Variants in COL25A1 observed in about 807,000 individuals in gnomAD.
The protein encoded by COL25A1 is collagen type XXV alpha 1 chain.
COL25A1 carries 103 observed loss-of-function variants against 128.4 expected under a neutral mutation model. That is an observed-to-expected ratio of 0.80 (90% CI 0.68 to 0.94). COL25A1 has a LOEUF of 0.94. Among genes scored for constraint, COL25A1 ranks in the 40% least tolerant of loss-of-function variants. The probability of loss-of-function intolerance (pLI) is 0.00; values close to 1 mark genes in which losing one functional copy is unlikely to be tolerated. For synonymous variants in COL25A1, 279 were observed against 277.2 expected (o/e 1.01, Z -0.06); for missense variants, 745 against 840.0 (o/e 0.89, Z 1.40).
chr4:109,300,385 A>T (rs1042525148), intron 3 of COL25A1, among the ~76,000 whole-genome samples, 198 bp downstream of exon 3: 1 of 152,192 alleles, frequency 6.6e-6, no homozygotes, highest in African/African-American at 2.4e-5. Flanking sequence ...TTCCCATAAC[A>T]GGCCTTGGTA....
At chr4:109,008,389 A>C (rs1289019876) in intron 6 of COL25A1, among the ~76,000 whole-genome samples, 1 of 152,112 alleles carries the variant, frequency 6.6e-6, no homozygotes, top group African/African-American at 2.4e-5. Flanking sequence ...TGAGGCATCC[A>C]TTTTTTGGTT....
In COL25A1 at chr4:109,121,817, T is replaced by C. The variant is rs190315210; in HGVS notation, c.368-71638A>G. 1.5e-4 allele frequency among the ~76,000 whole-genome samples: 23 copies of C among 152,224 alleles called. No individual in the cohort carries two copies. In the East Asian group the frequency reaches 4.2e-3, roughly 28 times the overall value. The stretch of plus-strand genomic sequence containing the variant: ...AAAACTTATATCCACACAAAAATCT[T>C]CACTCAAATGTTTAAAACAGCATTA... On this transcript the variant is annotated intron_variant, in intron 3 of 37. Coordinates refer to ENST00000399132, the MANE Select transcript of COL25A1 (RefSeq NM_198721.4).
At position 108,941,430 on chromosome 4, in the gene COL25A1, A is replaced by G; in HGVS notation, c.500T>C (p.Phe167Ser). 11 of 1,613,836 alleles carry G rather than the reference A, an allele frequency of 6.8e-6. No homozygotes were observed. The highest frequency in any genetic ancestry group is 7.6e-6 in the Non-Finnish European group (9 of 1,179,700). ...GAGAAACCCATGATTGATTTTAGGA[A>G]ACACCATCTGATCAGTCAGTTGAGG... ...EQGDQGPRMV[F>S]PKINHGFLSA... The change falls in exon 9 of 38, where the codon TTT (phenylalanine) becomes TCT (serine). Residue 167 changes from phenylalanine to serine, a missense_variant. This residue lies in a region of COL25A1 where 319 missense variants were observed against 324.9 expected (regional missense o/e 0.98). Transcript: ENST00000399132.
Position 108,886,480 on chromosome 4 carries a change from G to T in COL25A1, c.976-2258C>A, listed in dbSNP as rs1247389966. On this transcript the variant is annotated intron_variant, in intron 18 of 37. Coordinates refer to ENST00000399132, the MANE Select transcript of COL25A1 (RefSeq NM_198721.4). ...TGTGTGTGTGTGTGTGTGTGTGTGT[G>T]TGTGTGTGTGTGTTTAGCTCATCAG... Among the ~76,000 whole-genome samples, 1,193 of 127,044 alleles carry T rather than the reference G, an allele frequency of 9.4e-3. 45 individuals carry two copies. The highest frequency in any genetic ancestry group is 0.072 in the East Asian group (253 of 3,506). 83.3% of individuals were successfully genotyped at this position (127,044 alleles called of 152,430 possible). A position where few individuals can be genotyped will look rare whatever the true frequency, so the allele number is the denominator to read the frequency against.
intron 5 of COL25A1, among the ~76,000 whole-genome samples, chr4:109,031,185 C>T (rs1404606162): frequency 3.3e-5 from 5 of 152,220 alleles, no homozygotes; most frequent in African/African-American, 1.2e-4. Context: ...GATCTCGGCT[C>T]ACTGCAAGCT....
At chr4:108,949,745 C>A (rs953798606) in intron 8 of COL25A1, among the ~76,000 whole-genome samples, 3 of 152,080 alleles carry the variant, frequency 2.0e-5, no homozygotes, top group Non-Finnish European at 4.4e-5. Context: ...CCACGTTGAC[C>A]AGGATGGTCT....
At chr4:109,011,640 A>G (rs1320821658) in intron 5 of COL25A1, among the ~76,000 whole-genome samples, 2 of 152,218 alleles carry the variant, frequency 1.3e-5, no homozygotes, top group East Asian at 3.8e-4. Flanking sequence ...GAAATAAGCT[A>G]AAGGTCACAA....
intron 3 of COL25A1, among the ~76,000 whole-genome samples, chr4:109,289,259 C>G (rs968621188): frequency 2.0e-5 from 3 of 151,870 alleles, no homozygotes; most frequent in Non-Finnish European, 4.4e-5. Context: ...TGAAAAAGTC[C>G]GTTTTGCCTC....
At chr4:109,277,781 TTA>T (rs1204112363) in intron 3 of COL25A1, among the ~76,000 whole-genome samples, 1 of 152,200 alleles carries the variant, frequency 6.6e-6, no homozygotes. Context: ...CATTTTATTA[TTA>T]TGTTACACCA....
intron 3 of COL25A1, among the ~76,000 whole-genome samples, chr4:109,218,370 T>TTG (rs1560887351): frequency 1.1e-4 from 15 of 140,538 alleles, no homozygotes; most frequent in East Asian, 4.1e-4. Context: ...TTTTTTTTTT[T>TTG]TTTTTTTTTT....
chr4:109,047,424 C>G (rs1459575259), intron 5 of COL25A1, among the ~76,000 whole-genome samples: 1 of 151,842 alleles, frequency 6.6e-6, no homozygotes, highest in Non-Finnish European at 1.5e-5. Flanking sequence ...GGGAGCTAAG[C>G]TATGAGGATG....
chr4:108,832,272 T>C, intron 32 of COL25A1, 108 bp downstream of exon 32: 1 of 728,546 alleles, frequency 1.4e-6, no homozygotes, highest in Admixed American at 3.0e-5. Flanking sequence ...TTATTTAATA[T>C]TAGATAGCCC....
chr4:109,249,179 A>G (rs148387538), intron 3 of COL25A1, among the ~76,000 whole-genome samples: 4 of 152,320 alleles, frequency 2.6e-5, no homozygotes, highest in African/African-American at 9.6e-5. Context: ...GGCAAAAGTA[A>G]TGACTCTTCT....
chr4:108,899,464 G>T (rs1277170977), intron 14 of COL25A1, among the ~76,000 whole-genome samples: 1 of 152,082 alleles, frequency 6.6e-6, no homozygotes, highest in Non-Finnish European at 1.5e-5. Flanking sequence ...GGAGCACTAA[G>T]GAGAATGATG....
chr4:109,182,167 C>A (rs1396713889), intron 3 of COL25A1, among the ~76,000 whole-genome samples: 12 of 152,180 alleles, frequency 7.9e-5, no homozygotes, highest in Admixed American at 7.9e-4. Flanking sequence ...CATGGAAATG[C>A]AGATATCTTT....
At chr4:108,949,031 C>A (rs1005426891) in intron 8 of COL25A1, among the ~76,000 whole-genome samples, 5 of 152,098 alleles carry the variant, frequency 3.3e-5, no homozygotes, top group Admixed American at 1.3e-4. Context: ...AAGATGAGAC[C>A]CCATGAAAAG....
rs1579272654 is a variant in COL25A1 at position 109,070,643 on chromosome 4, C to T, written c.368-20464G>A. On this transcript the variant is annotated intron_variant, in intron 3 of 37. Coordinates refer to ENST00000399132, the MANE Select transcript of COL25A1 (RefSeq NM_198721.4). Reference sequence around the variant, plus strand: ...TGTTGGTGTGCTGCACCCATTAACTCGTCATTTACATTAGGTATAACTCCT... The same window carrying T: ...TGTTGGTGTGCTGCACCCATTAACTTGTCATTTACATTAGGTATAACTCCT... Among the ~76,000 whole-genome samples the T allele has an allele frequency of 4.0e-5, 6 of 151,116 alleles. No individual in the cohort carries two copies. In the East Asian group the frequency reaches 9.9e-4, roughly 25 times the overall value.
intron 3 of COL25A1, among the ~76,000 whole-genome samples, chr4:109,087,108 G>GTC (rs1289782150): frequency 1.3e-5 from 2 of 152,180 alleles, no homozygotes; most frequent in Non-Finnish European, 1.5e-5. Flanking sequence ...CAGTGTGTGG[G>GTC]CAAAATGACA....
chr4:109,301,661 GCA>G, intron 2 of COL25A1, 60 bp downstream of exon 2: 16 of 1,550,570 alleles, frequency 1.0e-5, no homozygotes, highest in East Asian at 2.3e-5. Flanking sequence ...GGCTAGTCAT[GCA>G]CACAGAGTCA....
Sources: gnomAD v4.1 joint callset for allele counts (sites outside exome capture counted in the v4.1 genomes callset) on GRCh38, gnomAD v4.1.1 for gene constraint, gnomAD v4.1.1 regional missense constraint, MANE v1.5 for transcripts, NCBI Gene and HGNC (gene_info 2026-07-23, HGNC 2026-07-21) for gene names.